SETBP1: variants seen among roughly 807,000 people sequenced by gnomAD.
SETBP1 encodes the protein SET binding protein 1, also known as SET-binding protein.
A neutral mutation model predicts 101.0 loss-of-function variants in SETBP1; 9 were observed. That is an observed-to-expected ratio of 0.09 (90% CI 0.05 to 0.16). The LOEUF (loss-of-function observed/expected upper bound fraction) is 0.16. Ranked by LOEUF, SETBP1 falls within the 10% of genes least tolerant of loss-of-function variation. The probability of loss-of-function intolerance (pLI) is 1.00; values close to 1 mark genes in which losing one functional copy is unlikely to be tolerated. For synonymous variants in SETBP1, 818 were observed against 788.5 expected (o/e 1.04, Z -0.63); for missense variants, 1,858 against 2,033.8 (o/e 0.91, Z 1.66).
intron 4 of SETBP1, among the ~76,000 whole-genome samples, chr18:45,018,158 T>C (rs2072987641): frequency 6.6e-6 from 1 of 152,194 alleles, no homozygotes; most frequent in Non-Finnish European, 1.5e-5. Context: ...TTAAAGACAC[T>C]CACAGTTAAA....
At chr18:44,852,529 C>T (rs2072892992) in intron 2 of SETBP1, among the ~76,000 whole-genome samples, 1 of 152,148 alleles carries the variant, frequency 6.6e-6, no homozygotes, top group Non-Finnish European at 1.5e-5. Context: ...GCCATGTGAT[C>T]TATCAGGGCT....
intron 3 of SETBP1, among the ~76,000 whole-genome samples, chr18:44,934,929 A>C (rs1323178066): frequency 6.6e-6 from 1 of 152,348 alleles, no homozygotes; most frequent in East Asian, 1.9e-4. Context: ...GAGAAAGTTC[A>C]GGGGCACATA....
chr18:44,995,353 G>A (rs1005239708), intron 4 of SETBP1, among the ~76,000 whole-genome samples: 1 of 152,006 alleles, frequency 6.6e-6, no homozygotes, highest in Non-Finnish European at 1.5e-5. Flanking sequence ...GTGTTAGCCA[G>A]GACGGTCTTG....
intron 4 of SETBP1, among the ~76,000 whole-genome samples, chr18:44,995,182 C>T (rs1176915634): frequency 1.5e-5 from 2 of 135,962 alleles, no homozygotes; most frequent in Non-Finnish European, 3.1e-5. Context: ...TGCTCTGTTG[C>T]CCAGGCTGGA....
At chr18:44,926,942 G>A (rs1329686727) in intron 3 of SETBP1, among the ~76,000 whole-genome samples, 1 of 152,138 alleles carries the variant, frequency 6.6e-6, no homozygotes, top group African/African-American at 2.4e-5. Context: ...GGCTTGCCGG[G>A]TGCCCAGAGG....
At chr18:45,003,870 G>A (rs115981733) in intron 4 of SETBP1, among the ~76,000 whole-genome samples, 1,980 of 152,242 alleles carry the variant, frequency 0.013, 46 homozygotes, top group African/African-American at 0.046. Context: ...TTAGGTGTGG[G>A]TAGTCCTTTC....
intron 3 of SETBP1, among the ~76,000 whole-genome samples, chr18:44,933,401 G>A (rs1209820931): frequency 6.6e-6 from 1 of 152,214 alleles, no homozygotes; most frequent in African/African-American, 2.4e-5. Context: ...CGGGGGTCAG[G>A]GACCCACTTG....
intron 3 of SETBP1, among the ~76,000 whole-genome samples, chr18:44,882,404 T>A (rs1033771059): frequency 3.3e-5 from 5 of 152,118 alleles, no homozygotes; most frequent in Non-Finnish European, 5.9e-5. Context: ...AAAGGCTGAT[T>A]TGATTCCACT....
chr18:44,741,821 T>G (rs1568119791), intron 2 of SETBP1, among the ~76,000 whole-genome samples: 1 of 152,188 alleles, frequency 6.6e-6, no homozygotes, highest in Non-Finnish European at 1.5e-5. Flanking sequence ...GCTTCCTATT[T>G]TCAACCCAGC....
intron 4 of SETBP1, among the ~76,000 whole-genome samples, chr18:45,016,309 G>A (rs1160087707): frequency 6.6e-6 from 1 of 152,140 alleles, no homozygotes; most frequent in African/African-American, 2.4e-5. Context: ...GGCGGGCTAA[G>A]CCAGGGTGCA....
intron 2 of SETBP1, among the ~76,000 whole-genome samples, chr18:44,852,651 G>T (rs2072896182): frequency 6.6e-6 from 1 of 152,172 alleles, no homozygotes; most frequent in African/African-American, 2.4e-5. Flanking sequence ...AGCTAGCCAG[G>T]ATTTGGAGGA....
At chr18:44,869,367 G>A in intron 3 of SETBP1, 84 bp downstream of exon 3, 1 of 1,268,804 alleles carries the variant, frequency 7.9e-7, no homozygotes. Context: ...TTGGGGCCAG[G>A]ACAGAAACCC....
At chr18:44,739,842 T>G (rs1416358043) in intron 2 of SETBP1, among the ~76,000 whole-genome samples, 2 of 152,328 alleles carry the variant, frequency 1.3e-5, no homozygotes, top group East Asian at 3.9e-4. Context: ...TGTGAAGACT[T>G]GACTCTCAAG....
chr18:44,760,755 G>A (rs2070620300), intron 2 of SETBP1, among the ~76,000 whole-genome samples: 2 of 152,124 alleles, frequency 1.3e-5, no homozygotes, highest in African/African-American at 4.8e-5. Context: ...GGAAATAGAG[G>A]GAGGTGTATA....
intron 3 of SETBP1, among the ~76,000 whole-genome samples, chr18:44,941,034 C>T (rs1228330652): frequency 6.8e-6 from 1 of 147,562 alleles, no homozygotes; most frequent in East Asian, 2.0e-4. Flanking sequence ...AAGATGTTGG[C>T]TCATTGTCTT....
At chr18:45,059,305 G>A in intron 5 of SETBP1, among the ~76,000 whole-genome samples, 1 of 152,058 alleles carries the variant, frequency 6.6e-6, no homozygotes, top group Admixed American at 6.5e-5. Flanking sequence ...CTAAAAGATA[G>A]GTACTCAAAA....
chr18:44,906,934 C>T (rs142813821), intron 3 of SETBP1, among the ~76,000 whole-genome samples: 44 of 152,266 alleles, frequency 2.9e-4, no homozygotes, highest in African/African-American at 6.3e-4. Flanking sequence ...AGTATATTTG[C>T]AGATTTGTGC....
intron 3 of SETBP1, among the ~76,000 whole-genome samples, chr18:44,887,887 C>G (rs58528341): frequency 0.015 from 2,316 of 152,198 alleles, 52 homozygotes; most frequent in African/African-American, 0.053. Flanking sequence ...GGAGCAACAG[C>G]AGGTTATCCA....
chr18:44,795,952 C>A (rs2071467277), intron 2 of SETBP1, among the ~76,000 whole-genome samples: 1 of 152,182 alleles, frequency 6.6e-6, no homozygotes, highest in African/African-American at 2.4e-5. Flanking sequence ...AGTTTTCTTT[C>A]TCACTGTGAA....
Sources: allele counts gnomAD v4.1 joint callset (sites outside exome capture counted in the v4.1 genomes callset), GRCh38; gene constraint gnomAD v4.1.1; transcripts MANE v1.5; gene names NCBI Gene and HGNC (gene_info 2026-07-23, HGNC 2026-07-21).